The following PSTPIP2 variants were observed in gnomAD, a reference collection of about 807,000 sequenced individuals.
PSTPIP2 encodes proline-serine-threonine phosphatase-interacting protein 2.
PSTPIP2 carries 33 observed loss-of-function variants against 63.3 expected under a neutral mutation model. The observed-to-expected ratio is 0.52, with a 90% CI of 0.40 to 0.70. The LOEUF (loss-of-function observed/expected upper bound fraction) is 0.70, where lower values mean the gene tolerates loss of function less well. Among genes scored for constraint, PSTPIP2 ranks in the 30% least tolerant of loss-of-function variants. The probability of loss-of-function intolerance (pLI) is 0.00; values close to 1 mark genes in which losing one functional copy is unlikely to be tolerated. For missense variants in PSTPIP2, 312 were observed against 400.7 expected, an observed-to-expected ratio of 0.78 and a Z score of 1.89; for synonymous variants, 125 against 132.7, an observed-to-expected ratio of 0.94 and a Z score of 0.40.
chr18:46,039,797 T>C, intron 2 of PSTPIP2, 150 bp downstream of exon 2: 1 of 672,732 alleles, frequency 1.5e-6, no homozygotes. Flanking sequence ...GACAGAAGTA[T>C]CATGTACTTC....
In PSTPIP2 at chr18:45,988,741, A is replaced by G. The variant is rs1376357955; in HGVS notation, c.974T>C (p.Leu325Ser). 9 of 1,565,844 alleles carry G rather than the reference A, an allele frequency of 5.7e-6. No individual in the cohort carries two copies. The highest frequency in any genetic ancestry group is 7.9e-6 in the Non-Finnish European group (9 of 1,136,462). The stretch of plus-strand genomic sequence containing the variant: ...ATAGAGCAAACTGTAGTCATCAACC[A>G]AAGAGTAATTGGGATCATCTGCAAA... ...KSSPDDPNYSLVDDYSLLYQ is the reference protein window; with the variant it reads ...KSSPDDPNYSSVDDYSLLYQ Residue 325 changes from leucine to serine, a missense_variant, in exon 14 of 15, where the codon TTG becomes TCG. Physicochemically the swap from Leu to Ser is moderately radical, Grantham distance 145. Coordinates refer to ENST00000409746, the MANE Select transcript of PSTPIP2 (RefSeq NM_024430.4).
intron 1 of PSTPIP2, among the ~76,000 whole-genome samples, chr18:46,062,691 A>C (rs1014999733): frequency 4.0e-5 from 6 of 151,768 alleles, no homozygotes; most frequent in Admixed American, 3.9e-4. Context: ...ATTTTTTTCT[A>C]CTTTTAGTAG....
intron 1 of PSTPIP2, among the ~76,000 whole-genome samples, chr18:46,053,842 G>A (rs1003221020): frequency 3.9e-5 from 6 of 152,116 alleles, no homozygotes; most frequent in Admixed American, 6.5e-5. Flanking sequence ...AATGCATAGC[G>A]CTAAGTAAAA....
At chr18:46,053,029 C>T (rs1908636401) in intron 1 of PSTPIP2, among the ~76,000 whole-genome samples, 3 of 152,114 alleles carry the variant, frequency 2.0e-5, no homozygotes, top group South Asian at 4.1e-4. Flanking sequence ...TACATAAATA[C>T]AAAAAAGTAA....
rs1433260284 is a variant in PSTPIP2 at position 45,999,625 on chromosome 18, C to A, written c.418-91G>T. On this transcript the variant is annotated intron_variant, in intron 6 of 14. Transcript: ENST00000409746. Reference sequence around the variant, plus strand: ...CTTGGCCCAGGAAGTCCAGCATGGACAGGGCCGTCTGATTAGTGCTCTGAT... The same window carrying A: ...CTTGGCCCAGGAAGTCCAGCATGGAAAGGGCCGTCTGATTAGTGCTCTGAT... The A allele has an allele frequency of 6.1e-6, 8 of 1,303,922 alleles. No individual in the cohort carries two copies. In the East Asian group the frequency reaches 1.9e-4, roughly 30 times the overall value. The allele number at this position is 1,303,922 out of a possible 1,614,324, so 80.8% of individuals were successfully genotyped here. A position where few individuals can be genotyped will look rare whatever the true frequency, so the allele number is the denominator to read the frequency against.
chr18:46,072,241 G>C lies in PSTPIP2; in HGVS notation c.-53C>G, dbSNP rs920114312. 1.3e-6 allele frequency: 2 copies of C among 1,518,570 alleles called. No homozygotes were observed. Among genetic ancestry groups the C allele is most frequent in the East Asian group, 2.7e-5 (1 of 37,294 alleles). 94.1% of individuals were successfully genotyped at this position (1,518,570 alleles called of 1,614,324 possible). A position where few individuals can be genotyped will look rare whatever the true frequency, so the allele number is the denominator to read the frequency against. On this transcript the variant is annotated 5_prime_UTR_variant, in exon 1 of 15. Coordinates refer to ENST00000409746, the MANE Select transcript of PSTPIP2 (RefSeq NM_024430.4). The stretch of plus-strand genomic sequence containing the variant: ...AGCCGGGCCGCAGGTAGCACAGAGC[G>C]GGGAGGCCTGACTGCCACTGCCCGC...
intron 2 of PSTPIP2, among the ~76,000 whole-genome samples, chr18:46,035,956 G>A (rs1907958181): frequency 6.6e-6 from 1 of 152,170 alleles, no homozygotes; most frequent in Non-Finnish European, 1.5e-5. Context: ...GATGTTGGCT[G>A]TGGTTGCCAG....
At chr18:45,986,585 C>T (rs2051468792) in intron 14 of PSTPIP2, among the ~76,000 whole-genome samples, 1 of 152,242 alleles carries the variant, frequency 6.6e-6, no homozygotes, top group African/African-American at 2.4e-5. Context: ...CAGGTTTCCA[C>T]TCTGCCTCTA....
At chr18:46,039,534 A>C (rs945967646) in intron 2 of PSTPIP2, among the ~76,000 whole-genome samples, 3 of 152,072 alleles carry the variant, frequency 2.0e-5, no homozygotes, top group African/African-American at 7.2e-5. Context: ...CTACTCCTCC[A>C]TGAAGCCACC....
chr18:46,024,413 G>A (rs112828347), intron 3 of PSTPIP2, among the ~76,000 whole-genome samples, 196 bp downstream of exon 3: 3,016 of 152,184 alleles, frequency 0.02, 107 homozygotes, highest in African/African-American at 0.069. Context: ...GCTGGGGTTA[G>A]AGGCATGAGC....
rs759504900 is a variant in PSTPIP2 at position 45,990,723 on chromosome 18, T to A, written c.954A>T (p.Pro318=). The A allele has an allele frequency of 6.2e-7, 1 of 1,605,908 alleles. No individual in the cohort carries two copies. Among genetic ancestry groups the A allele is most frequent in the Non-Finnish European group, 8.5e-7 (1 of 1,173,052 alleles). Reference sequence around the variant, plus strand: ...AAAAGACCTTTTTTAGTGGCATACCTGGTGAGCTTTTAGGAATTGGGAGGG... The same window carrying A: ...AAAAGACCTTTTTTAGTGGCATACCAGGTGAGCTTTTAGGAATTGGGAGGG... The part of the protein sequence containing the change: ...RGPLPIPKSS[P]DDPNYSLVDD... Residue 318 remains proline (P), a splice_region_variant and synonymous_variant, in exon 13 of 15, where the codon CCA becomes CCT. Transcript: ENST00000409746.
At chr18:46,058,917 G>A (rs1327610706) in intron 1 of PSTPIP2, among the ~76,000 whole-genome samples, 1 of 152,188 alleles carries the variant, frequency 6.6e-6, no homozygotes, top group East Asian at 1.9e-4. Context: ...CTTCCATCTG[G>A]GTTTGGGTAC....
At chr18:46,057,182 G>A (rs1432825369) in intron 1 of PSTPIP2, among the ~76,000 whole-genome samples, 1 of 152,050 alleles carries the variant, frequency 6.6e-6, no homozygotes, top group Non-Finnish European at 1.5e-5. Context: ...GCCTAGCCCT[G>A]GCTCTGCCTG....
intron 1 of PSTPIP2, among the ~76,000 whole-genome samples, chr18:46,060,530 T>C (rs537464718): frequency 6.6e-6 from 1 of 152,356 alleles, no homozygotes; most frequent in East Asian, 1.9e-4. Flanking sequence ...TCATTTAGTC[T>C]GAGTACAATA....
At chr18:46,011,422 C>T in intron 4 of PSTPIP2, 135 bp from the exon 5 acceptor site, 1 of 693,808 alleles carries the variant, frequency 1.4e-6, no homozygotes, top group Non-Finnish European at 2.4e-6. Flanking sequence ...ATTTGGTCAC[C>T]AACATGTATT....
At chr18:46,039,428 A>G (rs371255670) in intron 2 of PSTPIP2, among the ~76,000 whole-genome samples, 1 of 152,158 alleles carries the variant, frequency 6.6e-6, no homozygotes, top group African/African-American at 2.4e-5. Context: ...CACGTGGGCC[A>G]TCTGATTCCC....
intron 1 of PSTPIP2, among the ~76,000 whole-genome samples, chr18:46,069,682 G>T (rs1026962197): frequency 1.3e-5 from 2 of 152,154 alleles, no homozygotes; most frequent in Non-Finnish European, 2.9e-5. Flanking sequence ...TATGAAGTGT[G>T]TATTGACTCA....
chr18:46,049,641 G>A (rs991243454), intron 1 of PSTPIP2, among the ~76,000 whole-genome samples: 18 of 152,142 alleles, frequency 1.2e-4, no homozygotes, highest in African/African-American at 4.3e-4. Flanking sequence ...TAGCACTTTG[G>A]GAGGCCGAAG....
intron 1 of PSTPIP2, among the ~76,000 whole-genome samples, chr18:46,056,601 C>T (rs545477342): frequency 3.8e-3 from 571 of 152,226 alleles, no homozygotes; most frequent in Middle Eastern, 0.027. Context: ...GTGGTGCACA[C>T]CTGTGGTCCC....
Sources: gnomAD v4.1 joint callset for allele counts (sites outside exome capture counted in the v4.1 genomes callset) on GRCh38, gnomAD v4.1.1 for gene constraint, MANE v1.5 for transcripts, NCBI Gene and HGNC (gene_info 2026-07-23, HGNC 2026-07-21) for gene names.